FAT4: variants seen among roughly 807,000 people sequenced by gnomAD.
FAT4 encodes the protein FAT atypical cadherin 4.
A neutral mutation model predicts 303.9 loss-of-function variants in FAT4; 84 were observed. The observed-to-expected ratio is 0.28, with a 90% CI of 0.23 to 0.33. The LOEUF (loss-of-function observed/expected upper bound fraction) is 0.33. Among genes scored for constraint, FAT4 ranks in the 10% least tolerant of loss-of-function variants. FAT4 has a pLI of 1.00. For synonymous variants in FAT4, 2,307 were observed against 2,298.8 expected (o/e 1.00, Z -0.10); for missense variants, 6,005 against 6,146.8 (o/e 0.98, Z 0.77).
chr4:125,360,450 A>G (rs1382936265), intron 2 of FAT4, among the ~76,000 whole-genome samples: 1 of 152,186 alleles, frequency 6.6e-6, no homozygotes, highest in Non-Finnish European at 1.5e-5. Flanking sequence ...AGTTTGGCAC[A>G]TAGATCACAG....
intron 11 of FAT4, among the ~76,000 whole-genome samples, chr4:125,465,445 A>G (rs569184179): frequency 6.6e-6 from 1 of 152,278 alleles, no homozygotes; most frequent in South Asian, 2.1e-4. Flanking sequence ...AGGGGATTAG[A>G]GTGTAAACTA....
intron 9 of FAT4, among the ~76,000 whole-genome samples, chr4:125,447,693 T>C (rs556324028): frequency 1.3e-5 from 2 of 152,220 alleles, no homozygotes; most frequent in Admixed American, 6.6e-5. Context: ...GGTTTCTGAA[T>C]GAGTAGATTG....
intron 2 of FAT4, among the ~76,000 whole-genome samples, chr4:125,368,903 C>T (rs1468501252): frequency 1.3e-5 from 2 of 152,090 alleles, no homozygotes; most frequent in African/African-American, 4.8e-5. Flanking sequence ...TCTATTTGTG[C>T]TTTGTTGCTG....
intron 8 of FAT4, among the ~76,000 whole-genome samples, chr4:125,438,689 T>C (rs1482724685): frequency 2.6e-5 from 4 of 152,180 alleles, no homozygotes; most frequent in Non-Finnish European, 2.9e-5. Context: ...AGAAAATATT[T>C]TCACAGACAA....
At chr4:125,350,754 T>C (rs1732191036) in intron 2 of FAT4, among the ~76,000 whole-genome samples, 1 of 151,634 alleles carries the variant, frequency 6.6e-6, no homozygotes, top group Non-Finnish European at 1.5e-5. Flanking sequence ...TTCCTGCTGA[T>C]TTCCTTGAAA....
intron 10 of FAT4, among the ~76,000 whole-genome samples, chr4:125,457,028 C>T (rs1210030831): frequency 6.6e-6 from 1 of 151,862 alleles, no homozygotes; most frequent in Non-Finnish European, 1.5e-5. Context: ...CAATAGGTTT[C>T]AAAGTCTGTG....
intron 2 of FAT4, among the ~76,000 whole-genome samples, chr4:125,326,526 A>T (rs1731163484): frequency 6.6e-6 from 1 of 152,124 alleles, no homozygotes. Flanking sequence ...ATGGAAACTG[A>T]GTCTCAGATA....
intron 2 of FAT4, among the ~76,000 whole-genome samples, chr4:125,322,596 G>A (rs2125947579): frequency 6.6e-6 from 1 of 152,244 alleles, no homozygotes; most frequent in South Asian, 2.1e-4. Context: ...ATCAAATGTG[G>A]TTTGTGATAC....
At chr4:125,338,501 C>T (rs1731655628) in intron 2 of FAT4, among the ~76,000 whole-genome samples, 1 of 152,166 alleles carries the variant, frequency 6.6e-6, no homozygotes, top group Non-Finnish European at 1.5e-5. Context: ...AGGTCAGATA[C>T]ACATATTTCA....
chr4:125,385,832 A>T lies in FAT4; in HGVS notation c.5176-12952A>T, dbSNP rs533355570. Reference sequence around the variant, plus strand: ...TCTTAAAAGTCAATTTTTAAAAAAAATTCAGCTTTTCGTCCAGCTTTTTGT... The same window carrying T: ...TCTTAAAAGTCAATTTTTAAAAAAATTTCAGCTTTTCGTCCAGCTTTTTGT... On this transcript the variant is annotated intron_variant, in intron 2 of 17. Coordinates refer to ENST00000394329, the MANE Select transcript of FAT4 (RefSeq NM_001291303.3). Among the ~76,000 whole-genome samples the T allele has an allele frequency of 6.6e-5, 10 of 152,298 alleles. No homozygotes were observed. In the South Asian group the frequency reaches 2.1e-3, roughly 32 times the overall value.
intron 10 of FAT4, 46 bp from the exon 11 acceptor site, chr4:125,463,517 T>C (rs1192328112): frequency 8.5e-7 from 1 of 1,170,658 alleles, no homozygotes; most frequent in Admixed American, 2.1e-5. Flanking sequence ...GGTGTTAATA[T>C]ATTTATGTAT....
intron 2 of FAT4, among the ~76,000 whole-genome samples, chr4:125,345,623 A>G (rs949289301): frequency 4.6e-5 from 7 of 151,992 alleles, no homozygotes; most frequent in African/African-American, 1.4e-4. Context: ...GGCATGTATT[A>G]TTTATGCACT....
chr4:125,373,444 T>C (rs1376186955), intron 2 of FAT4, among the ~76,000 whole-genome samples: 2 of 152,190 alleles, frequency 1.3e-5, no homozygotes, highest in Non-Finnish European at 2.9e-5. Context: ...TTAAAAAGTT[T>C]GATATTTATT....
chr4:125,346,476 G>T (rs1732008815), intron 2 of FAT4, among the ~76,000 whole-genome samples: 1 of 151,830 alleles, frequency 6.6e-6, no homozygotes, highest in South Asian at 2.1e-4. Context: ...TAGACAATAA[G>T]GGTAATGCAA....
intron 16 of FAT4, 48 bp downstream of exon 16, chr4:125,481,786 T>G (rs1404885070): frequency 6.6e-7 from 1 of 1,523,084 alleles, no homozygotes; most frequent in Non-Finnish European, 9.1e-7. Flanking sequence ...CCGCCTGCCG[T>G]GTAGTGGTTT....
At chr4:125,428,269 G>A (rs1347884005) in intron 7 of FAT4, among the ~76,000 whole-genome samples, 1 of 152,074 alleles carries the variant, frequency 6.6e-6, no homozygotes, top group Non-Finnish European at 1.5e-5. Context: ...CTGCTCTTCA[G>A]CCTGGGCAAC....
intron 8 of FAT4, among the ~76,000 whole-genome samples, chr4:125,444,475 G>A (rs777815915): frequency 6.6e-6 from 1 of 152,034 alleles, no homozygotes; most frequent in Non-Finnish European, 1.5e-5. Flanking sequence ...ACCTCTTAAA[G>A]GCCCTACTTC....
Position 125,452,375 on chromosome 4 carries a change from A to G in FAT4, c.11365A>G (p.Lys3789Glu), listed in dbSNP as rs768608905. The change falls in exon 10 of 18, where the codon AAA becomes GAA. Residue 3789 changes from lysine (K) to glutamate (E), a missense_variant. By Grantham distance (56) the Lys-to-Glu change is moderately conservative. Transcript: ENST00000394329. ...SGVATFFESI[K>E]EILLRQSGVK... ...CGTAGCCACCTTCTTTGAAAGCATC[A>G]AAGAGATCCTTCTCCGGCAGAGTGG... The G allele has an allele frequency of 4.3e-6, 7 of 1,614,088 alleles. No homozygotes were observed. The highest frequency in any genetic ancestry group is 1.1e-5 in the South Asian group (1 of 91,092).
chr4:125,407,105 G>A lies in FAT4; in HGVS notation c.5533G>A (p.Val1845Met), dbSNP rs1179341769. 1.1e-5 allele frequency: 17 copies of A among 1,613,454 alleles called. No homozygotes were observed. The highest frequency in any genetic ancestry group is 3.3e-5 in the Admixed American group (2 of 59,962). Reference sequence around the variant, plus strand: ...CCATACACCCAAATTTTCCAGACCCGTGTACTCTTTTGACATTCCTGAGGA... The same window carrying A: ...CCATACACCCAAATTTTCCAGACCCATGTACTCTTTTGACATTCCTGAGGA... ...NDHTPKFSRP[V>M]YSFDIPEDTI... The change falls in exon 4 of 18, where the codon GTG (valine) becomes ATG (methionine). Residue 1845 changes from valine to methionine, a missense_variant. By Grantham distance (21) the Val-to-Met change is conservative (BLOSUM62 1). Transcript: ENST00000394329.
Sources: allele counts gnomAD v4.1 joint callset (sites outside exome capture counted in the v4.1 genomes callset), GRCh38; gene constraint gnomAD v4.1.1; transcripts MANE v1.5; gene names NCBI Gene and HGNC (gene_info 2026-07-23, HGNC 2026-07-21).